The following NAPEPLD variants were observed in gnomAD, a reference collection of about 807,000 sequenced individuals.
The protein encoded by NAPEPLD is N-acyl-phosphatidylethanolamine-hydrolyzing phospholipase D.
NAPEPLD carries 23 observed loss-of-function variants against 38.1 expected under a neutral mutation model. The ratio of observed to expected loss-of-function variants is 0.60; its 90% CI spans 0.43 to 0.86. NAPEPLD has a LOEUF of 0.86. NAPEPLD is among the 40% of genes least tolerant of loss of function. The probability of loss-of-function intolerance (pLI) is 0.00; values close to 1 mark genes in which losing one functional copy is unlikely to be tolerated. For missense variants in NAPEPLD, 411 were observed against 476.8 expected (o/e 0.86, Z 1.28); for synonymous variants, 147 against 162.0 (o/e 0.91, Z 0.71).
intron 2 of NAPEPLD, among the ~76,000 whole-genome samples, chr7:103,120,701 CTTTTTTTTTTT>C (rs869141133): frequency 1.8e-4 from 15 of 82,530 alleles, no homozygotes; most frequent in East Asian, 4.4e-4. Context: ...TGATATTTTT[CTTTTTTTTTTT>C]TTTTTTTTTT....
At chr7:103,113,662 GCT>G (rs2129527801) in intron 4 of NAPEPLD, among the ~76,000 whole-genome samples, 2 of 119,416 alleles carry the variant, frequency 1.7e-5, no homozygotes, top group African/African-American at 6.5e-5. Flanking sequence ...ACAGAGTTTC[GCT>G]CTTTCACCCA....
In NAPEPLD at chr7:103,115,046, G is replaced by A. The variant is rs779464189; in HGVS notation, c.1056+14C>T. The A allele has an allele frequency of 4.4e-6, 7 of 1,579,092 alleles. No homozygotes were observed. The highest frequency in any genetic ancestry group is 1.4e-5 in the African/African-American group (1 of 73,836). ...TCAAACACACAAAGTTATTTTTATC[G>A]CAATCAAACTTACCTCATTTGCTAA... On this transcript the variant is annotated intron_variant, in intron 4 of 4. Coordinates refer to ENST00000465647, the MANE Select transcript of NAPEPLD (RefSeq NM_001122838.3).
upstream of NAPEPLD, chr7:103,149,328 C>G: frequency 8.9e-7 from 1 of 1,124,176 alleles, no homozygotes. Context: ...TCCGCGGCTT[C>G]CGGCCACAGA....
At chr7:103,146,061 A>T (rs1439508842) in intron 1 of NAPEPLD, among the ~76,000 whole-genome samples, 1 of 152,212 alleles carries the variant, frequency 6.6e-6, no homozygotes, top group Non-Finnish European at 1.5e-5. Context: ...CTCTCTAAAC[A>T]AACTGAAGGA....
rs1362168950 is a variant in NAPEPLD, at chr7:103,100,791, T to C, written c.*2638A>G. On this transcript the variant is annotated 3_prime_UTR_variant, in exon 5 of 5. Coordinates refer to ENST00000465647, the MANE Select transcript of NAPEPLD (RefSeq NM_001122838.3). ...GCACATAAACCCTTCAAAATGTAGA[T>C]AACAAATGAAAAATAAAGTGGAACC... 6.6e-6 allele frequency: 1 copy of C among 152,160 alleles called. No homozygotes were observed. Among genetic ancestry groups the C allele is most frequent in the Non-Finnish European group, 1.5e-5 (1 of 68,016 alleles). 9.4% of individuals were successfully genotyped at this position (152,160 alleles called of 1,614,324 possible).
intron 2 of NAPEPLD, among the ~76,000 whole-genome samples, chr7:103,124,805 G>A (rs1044722313): frequency 6.6e-6 from 1 of 152,108 alleles, no homozygotes; most frequent in African/African-American, 2.4e-5. Flanking sequence ...GGCAGACTGG[G>A]GTCACTAAGA....
In NAPEPLD at chr7:103,120,212, T is replaced by G; in HGVS notation, c.306A>C (p.Lys102Asn). 1.2e-6 allele frequency: 2 copies of G among 1,612,810 alleles called. No homozygotes were observed. The highest frequency in any genetic ancestry group is 1.7e-6 in the Non-Finnish European group (2 of 1,179,212). ...SVPSSKEELD[K>N]ELPVLKPYFI... ...AATATGGCTTAAGCACTGGGAGTTC[T>G]TTGTCTAGTTCCTTTGTGTATAAAG... is the stretch of plus-strand genomic sequence containing the variant. The change falls in exon 3 of 5, where the codon AAA becomes AAC. Residue 102 changes from lysine (K) to asparagine (N), a missense_variant. By Grantham distance (94) the Lys-to-Asn change is moderately conservative. Transcript: ENST00000465647.
chr7:103,120,697 T>C (rs1806470184), intron 2 of NAPEPLD, among the ~76,000 whole-genome samples: 2 of 125,236 alleles, frequency 1.6e-5, no homozygotes, highest in African/African-American at 6.2e-5. Context: ...AATCTGATAT[T>C]TTTCTTTTTT....
chr7:103,100,857 G>C lies in NAPEPLD; in HGVS notation c.*2572C>G, dbSNP rs1400259051. The C allele has an allele frequency of 6.6e-6, 1 of 152,214 alleles. No homozygotes were observed. The highest frequency in any genetic ancestry group is 1.9e-4 in the East Asian group (1 of 5,208). The allele number at this position is 152,214 out of a possible 1,614,324, so 9.4% of individuals were successfully genotyped here. On this transcript the variant is annotated 3_prime_UTR_variant, in exon 5 of 5. Transcript: ENST00000465647. ...GATTCTGTAAGCAGAGATGAAGCTT[G>C]ATGTTCTTAATGAATAGTGTCAGTG...
chr7:103,111,157 T>A (rs1468662987), intron 4 of NAPEPLD, among the ~76,000 whole-genome samples: 2 of 152,104 alleles, frequency 1.3e-5, no homozygotes, highest in African/African-American at 2.4e-5. Context: ...ATAGGAAGAA[T>A]CAATATTGTG....
At chr7:103,125,824 T>C (rs1248446075) in intron 2 of NAPEPLD, among the ~76,000 whole-genome samples, 1 of 151,514 alleles carries the variant, frequency 6.6e-6, no homozygotes, top group Non-Finnish European at 1.5e-5. Flanking sequence ...GAGGCAGAGG[T>C]TGCAGTGAGC....
chr7:103,142,156 G>A lies in NAPEPLD; in HGVS notation c.-17+6655C>T, dbSNP rs372291837. ...AGACAAGCATTTAGGAAGGATCAAA[G>A]GGATTTTCTGGTATGCCAGAATTTA... is the stretch of plus-strand genomic sequence containing the variant. On this transcript the variant is annotated intron_variant, in intron 1 of 4. Coordinates refer to ENST00000465647, the MANE Select transcript of NAPEPLD (RefSeq NM_001122838.3). Among the ~76,000 whole-genome samples the A allele has an allele frequency of 4.2e-4, 64 of 152,338 alleles. 1 individual carries two copies. The East Asian group carries it at 9.3e-3, about 22-fold the overall frequency.
At chr7:103,142,039 T>C (rs1475053494) in intron 1 of NAPEPLD, 5 of 598,306 alleles carry the variant, frequency 8.4e-6, no homozygotes, top group Admixed American at 5.9e-5. Flanking sequence ...GCAGTTTCTC[T>C]AGATAATTTT....
chr7:103,140,637 C>A (rs932266218), intron 1 of NAPEPLD, among the ~76,000 whole-genome samples: 1 of 152,016 alleles, frequency 6.6e-6, no homozygotes, highest in African/African-American at 2.4e-5. Flanking sequence ...TCGTGATCTG[C>A]CCGCCTTGGC....
chr7:103,113,819 A>C (rs980401297), intron 4 of NAPEPLD, among the ~76,000 whole-genome samples: 2 of 151,114 alleles, frequency 1.3e-5, no homozygotes, highest in Admixed American at 1.3e-4. Context: ...ATGGGTTTTC[A>C]TCATGTTGGC....
intron 4 of NAPEPLD, among the ~76,000 whole-genome samples, chr7:103,110,908 C>CA (rs60848228): frequency 0.91 from 138,446 of 152,106 alleles, 64,390 homozygotes; most frequent in East Asian, 1. Flanking sequence ...CAATGTATCA[C>CA]AGCATTCCTA....
At chr7:103,149,383 G>C, upstream of NAPEPLD, 2 of 1,170,124 alleles carry the variant, frequency 1.7e-6, no homozygotes, top group South Asian at 3.0e-5. Context: ...GGCGACCGCG[G>C]CAGGCGCTCG....
intron 4 of NAPEPLD, among the ~76,000 whole-genome samples, chr7:103,112,049 T>C (rs371122323): frequency 2.0e-5 from 3 of 151,786 alleles, no homozygotes; most frequent in African/African-American, 4.8e-5. Flanking sequence ...ATCAAAACCA[T>C]ATTGAGATAC....
chr7:103,099,981 G>A lies in NAPEPLD; in HGVS notation c.*3448C>T, dbSNP rs1802162479. 6.6e-6 allele frequency: 1 copy of A among 152,126 alleles called. No individual in the cohort carries two copies. Among genetic ancestry groups the A allele is most frequent in the Admixed American group, 6.5e-5 (1 of 15,280 alleles). The allele number at this position is 152,126 out of a possible 1,614,324, so 9.4% of individuals were successfully genotyped here. A position where few individuals can be genotyped will look rare whatever the true frequency, so the allele number is the denominator to read the frequency against. On this transcript the variant is annotated 3_prime_UTR_variant, in exon 5 of 5. Coordinates refer to ENST00000465647, the MANE Select transcript of NAPEPLD (RefSeq NM_001122838.3). Reference sequence around the variant, plus strand: ...CATTAAGTAAATCAGTATGCAAGCAGTATTTAAGGCAAAGCTTTAAGAATA... The same window carrying A: ...CATTAAGTAAATCAGTATGCAAGCAATATTTAAGGCAAAGCTTTAAGAATA...
Sources: allele counts gnomAD v4.1 joint callset (sites outside exome capture counted in the v4.1 genomes callset), GRCh38; gene constraint gnomAD v4.1.1; transcripts MANE v1.5; gene names NCBI Gene and HGNC (gene_info 2026-07-23, HGNC 2026-07-21).